Variants in PLEKHA5 observed in about 807,000 individuals in gnomAD.
PLEKHA5 encodes pleckstrin homology domain containing A5.
Under a neutral mutation model 181.9 loss-of-function variants are expected in PLEKHA5, and 55 were observed. The observed-to-expected ratio is 0.30, with a 90% CI of 0.24 to 0.38. The LOEUF is 0.38. PLEKHA5 is among the 10% of genes least tolerant of loss of function. The pLI, the probability that PLEKHA5 is intolerant of heterozygous loss-of-function variation, is 1.00. For synonymous variants in PLEKHA5, 535 were observed against 529.4 expected (o/e 1.01, Z -0.15); for missense variants, 1,432 against 1,549.5 (o/e 0.92, Z 1.27).
intron 11 of PLEKHA5, among the ~76,000 whole-genome samples, chr12:19,278,675 G>A (rs2075268902): frequency 1.3e-5 from 2 of 152,108 alleles, no homozygotes; most frequent in South Asian, 4.1e-4. Context: ...TGGCTTTCGT[G>A]TGATAGGAGA....
At chr12:19,326,345 A>G (rs2092081751) in intron 20 of PLEKHA5, among the ~76,000 whole-genome samples, 1 of 152,144 alleles carries the variant, frequency 6.6e-6, no homozygotes, top group South Asian at 2.1e-4. Context: ...TTAAATTTGA[A>G]TTACATTTTT....
At chr12:19,134,148 A>G (rs1231608946) in intron 3 of PLEKHA5, among the ~76,000 whole-genome samples, 1 of 151,992 alleles carries the variant, frequency 6.6e-6, no homozygotes, top group Non-Finnish European at 1.5e-5. Flanking sequence ...GTATGTTTTA[A>G]TTTAGAACTA....
At chr12:19,152,779 G>A (rs1040211099) in intron 3 of PLEKHA5, 1 of 152,122 alleles carries the variant, frequency 6.6e-6, no homozygotes, top group Non-Finnish European at 1.5e-5. Context: ...ATGTCAAAGA[G>A]CTTCTCTAGG....
intron 5 of PLEKHA5, 129 bp downstream of exon 5, chr12:19,255,294 A>C (rs1310522255): frequency 1.1e-5 from 6 of 530,910 alleles, no homozygotes; most frequent in Non-Finnish European, 1.8e-5. Context: ...AAGGTAATTG[A>C]TATAAGAAGC....
At chr12:19,152,790 A>G (rs560177773) in intron 3 of PLEKHA5, 2 of 152,240 alleles carry the variant, frequency 1.3e-5, no homozygotes, top group African/African-American at 4.8e-5. Context: ...CTTCTCTAGG[A>G]TCTGTAAATA....
chr12:19,149,331 T>A (rs1171828838), intron 3 of PLEKHA5: 1 of 151,550 alleles, frequency 6.6e-6, no homozygotes, highest in Non-Finnish European at 1.5e-5. Context: ...TGAAACCCCA[T>A]CTCTACTAAA....
intron 5 of PLEKHA5, among the ~76,000 whole-genome samples, chr12:19,256,561 GA>G (rs1286284066): frequency 6.6e-6 from 1 of 152,110 alleles, no homozygotes; most frequent in African/African-American, 2.4e-5. Flanking sequence ...TTACCTGTTT[GA>G]AAGTAAATTA....
chr12:19,187,170 G>A (rs557997490), intron 3 of PLEKHA5, among the ~76,000 whole-genome samples: 15 of 152,210 alleles, frequency 9.9e-5, no homozygotes, highest in East Asian at 9.7e-4. Flanking sequence ...CCAAAAGCCC[G>A]CTTTTGCTAT....
chr12:19,323,352 ATC>A (rs1231294863), intron 20 of PLEKHA5, among the ~76,000 whole-genome samples: 1 of 152,010 alleles, frequency 6.6e-6, no homozygotes, highest in Non-Finnish European at 1.5e-5. Flanking sequence ...GTGAAAACCC[ATC>A]TCTACTAAAA....
intron 3 of PLEKHA5, among the ~76,000 whole-genome samples, chr12:19,191,503 G>A (rs1481232815): frequency 1.3e-5 from 2 of 152,166 alleles, no homozygotes; most frequent in African/African-American, 4.8e-5. Flanking sequence ...TCTTATTGCA[G>A]TACAGATGAT....
At position 19,158,086 on chromosome 12, in the gene PLEKHA5, C is replaced by T. The variant is rs142157616; in HGVS notation, c.227+25636C>T. Among the ~76,000 whole-genome samples, 439 of 152,158 alleles carry T rather than the reference C, an allele frequency of 2.9e-3. 4 individuals carry two copies. Among genetic ancestry groups the T allele is most frequent in the African/African-American group, 0.01 (424 of 41,508 alleles). ...GGCGGGTGCTGGGATTACAGGATTA[C>T]TCATGCCTGTAATGCTAGCACTTTG... is the stretch of plus-strand genomic sequence containing the variant. On this transcript the variant is annotated intron_variant, in intron 3 of 31. Transcript: ENST00000429027.
chr12:19,356,955 G>T (rs1282615548), intron 26 of PLEKHA5, among the ~76,000 whole-genome samples: 2 of 151,930 alleles, frequency 1.3e-5, no homozygotes, highest in Admixed American at 1.3e-4. Flanking sequence ...CACCGCGCCC[G>T]GCCTAAGCAT....
chr12:19,291,322 G>A (rs2078385131), intron 14 of PLEKHA5, among the ~76,000 whole-genome samples: 1 of 152,124 alleles, frequency 6.6e-6, no homozygotes, highest in Admixed American at 6.6e-5. Context: ...CTTATTTAAA[G>A]AAGTAGTACT....
chr12:19,262,803 A>C (rs2068910455), intron 7 of PLEKHA5, among the ~76,000 whole-genome samples: 1 of 152,110 alleles, frequency 6.6e-6, no homozygotes, highest in South Asian at 2.1e-4. Flanking sequence ...ATTCATTTGT[A>C]CTCCAGACCT....
Position 19,320,640 on chromosome 12 carries a change from A to G in PLEKHA5, c.2217+16A>G, listed in dbSNP as rs1173047407. ...AGATATTGATGTAAGTATTAGTATGATATATGTGGTCAGTACTCTGTCGTA... is the reference window on the plus strand; with the variant it reads ...AGATATTGATGTAAGTATTAGTATGGTATATGTGGTCAGTACTCTGTCGTA... On this transcript the variant is annotated intron_variant, in intron 18 of 31. Transcript: ENST00000429027. 15 of 1,204,516 alleles carry G rather than the reference A, an allele frequency of 1.2e-5. No homozygotes were observed. Among genetic ancestry groups the G allele is most frequent in the Non-Finnish European group, 1.7e-5 (14 of 825,256 alleles). 74.6% of individuals were successfully genotyped at this position (1,204,516 alleles called of 1,614,324 possible).
chr12:19,243,545 C>G (rs1434888289), intron 3 of PLEKHA5: 1 of 152,126 alleles, frequency 6.6e-6, no homozygotes, highest in Non-Finnish European at 1.5e-5. Context: ...TGATTAATCC[C>G]TTCCTTTCTC....
intron 3 of PLEKHA5, among the ~76,000 whole-genome samples, chr12:19,173,558 C>T (rs2046494647): frequency 6.6e-6 from 1 of 152,036 alleles, no homozygotes; most frequent in Non-Finnish European, 1.5e-5. Context: ...TTTTTTCCCC[C>T]AGGTAACAGT....
At chr12:19,202,897 G>A (rs1432043354) in intron 3 of PLEKHA5, among the ~76,000 whole-genome samples, 1 of 152,052 alleles carries the variant, frequency 6.6e-6, no homozygotes, top group Non-Finnish European at 1.5e-5. Context: ...ACTGTATAAA[G>A]TCTTCAGAGG....
chr12:19,326,046 A>T (rs918523060), intron 20 of PLEKHA5, among the ~76,000 whole-genome samples: 1 of 151,962 alleles, frequency 6.6e-6, no homozygotes, highest in Non-Finnish European at 1.5e-5. Flanking sequence ...AAATAAATAA[A>T]ATAGAATAAA....
Sources: gnomAD v4.1 joint callset for allele counts (sites outside exome capture counted in the v4.1 genomes callset) on GRCh38, gnomAD v4.1.1 for gene constraint, MANE v1.5 for transcripts, NCBI Gene and HGNC (gene_info 2026-07-23, HGNC 2026-07-21) for gene names.